TTLL8: variants seen among roughly 807,000 people sequenced by gnomAD.
TTLL8 encodes tubulin tyrosine ligase like 8, also known as protein monoglycylase TTLL8.
TTLL8 carries 65 observed loss-of-function variants against 77.8 expected under a neutral mutation model. The ratio of observed to expected loss-of-function variants is 0.84; its 90% confidence interval spans 0.68 to 1.03. The LOEUF (loss-of-function observed/expected upper bound fraction) is 1.03. Ranked by LOEUF, TTLL8 falls within the 50% of genes least tolerant of loss-of-function variation. TTLL8 has a pLI of 0.00. For synonymous variants in TTLL8, 402 were observed against 422.8 expected (o/e 0.95, Z 0.60); for missense variants, 910 against 1,004.5 (o/e 0.91, Z 1.27).
rs977594466 is a variant in TTLL8, at chr22:50,052,107, G to A, written c.52-1860C>T. Among the ~76,000 whole-genome samples, 5 of 152,184 alleles carry A rather than the reference G, an allele frequency of 3.3e-5. No individual in the cohort carries two copies. The East Asian group carries it at 5.8e-4, about 18-fold the overall frequency. On this transcript the variant is annotated intron_variant, in intron 1 of 13. Transcript: ENST00000266182. ...AGCACCCACACGAGACATCTGGTTG[G>A]TCCCAGCACCGCTCTGGGCCGCTGT...
upstream of TTLL8, among the ~76,000 whole-genome samples, chr22:50,056,299 A>T (rs1386058212): frequency 6.6e-6 from 1 of 151,864 alleles, no homozygotes; most frequent in African/African-American, 2.4e-5. The surrounding 1 kb of genome is among the most constrained non-coding windows in gnomAD (Gnocchi z 4.1). Context: ...GCCAATAATC[A>T]TGTGAAAAAC....
At position 50,034,917 on chromosome 22, in the gene TTLL8, G is replaced by A. The variant is rs915673273; in HGVS notation, c.922-455C>T. Among the ~76,000 whole-genome samples, 27 of 152,196 alleles carry A rather than the reference G, an allele frequency of 1.8e-4. No homozygotes were observed. Among genetic ancestry groups the A allele is most frequent in the Non-Finnish European group, 3.4e-4 (23 of 68,030 alleles). On this transcript the variant is annotated intron_variant, in intron 8 of 13. Coordinates refer to ENST00000266182, the Ensembl canonical transcript of TTLL8. The surrounding 1 kb of genome is among the most constrained non-coding windows in gnomAD (Gnocchi z 4.1). ...ACCGACCCCTGGTAGGAAAGTGGCCGGCCCGTGCAGGCCTCCTGTGTCCCG... is the reference window on the plus strand; with the variant it reads ...ACCGACCCCTGGTAGGAAAGTGGCCAGCCCGTGCAGGCCTCCTGTGTCCCG...
At chr22:50,032,469 C>T (rs1416874390) in intron 10 of TTLL8, among the ~76,000 whole-genome samples, 2 of 152,222 alleles carry the variant, frequency 1.3e-5, no homozygotes, top group Non-Finnish European at 2.9e-5. Context: ...AGGTGAGGGT[C>T]GTAGCCCCTG....
At chr22:50,058,023 A>G (rs1014236473), upstream of TTLL8, among the ~76,000 whole-genome samples, 2 of 102,736 alleles carry the variant, frequency 1.9e-5, no homozygotes, top group African/African-American at 7.6e-5. The surrounding 1 kb of genome is among the most constrained non-coding windows in gnomAD (Gnocchi z 4.2). Context: ...CGGGGCGGGG[A>G]GGGGGTAGGC....
intron 4 of TTLL8, among the ~76,000 whole-genome samples, chr22:50,046,886 G>A (rs577243225): frequency 3.3e-5 from 5 of 152,336 alleles, no homozygotes; most frequent in South Asian, 4.1e-4. Flanking sequence ...CCCAAAGCCC[G>A]GTGGCAGCCC....
intron 12 of TTLL8, among the ~76,000 whole-genome samples, chr22:50,020,983 C>CGAT (rs1468578164): frequency 4.3e-5 from 6 of 140,614 alleles, no homozygotes; most frequent in African/African-American, 1.1e-4. Context: ...CTCCATCTGA[C>CGAT]GTGCATTCCT....
At chr22:50,055,454 G>A, upstream of TTLL8, 1 of 476,812 alleles carries the variant, frequency 2.1e-6, no homozygotes, top group Non-Finnish European at 3.4e-6. Context: ...AGGAGTTCGA[G>A]ACCAGCCTGG....
chr22:50,052,530 A>G (rs1342085911), intron 1 of TTLL8, among the ~76,000 whole-genome samples: 1 of 152,200 alleles, frequency 6.6e-6, no homozygotes, highest in Non-Finnish European at 1.5e-5. Context: ...GAATACATCA[A>G]CGGTTTAATT....
Position 50,026,975 on chromosome 22 carries a change from T to C in TTLL8, c.2203+3455A>G, listed in dbSNP as rs1015107173. 9.9e-5 allele frequency among the ~76,000 whole-genome samples: 15 copies of C among 152,202 alleles called. 1 individual carries two copies. The highest frequency in any genetic ancestry group is 4.8e-5 in the African/African-American group (2 of 41,448). On this transcript the variant is annotated intron_variant, in intron 12 of 13. Transcript: ENST00000266182. ...TCGGCCAGGTGCGGTGGCTCACGCC[T>C]GTAATCCCAGCACTTAGGGAGGCCG...
chr22:50,024,695 C>G (rs2061222004), intron 12 of TTLL8, among the ~76,000 whole-genome samples: 1 of 152,170 alleles, frequency 6.6e-6, no homozygotes, highest in Non-Finnish European at 1.5e-5. Flanking sequence ...GTCCGAAGAA[C>G]AAAGACAAGG....
intron 6 of TTLL8, among the ~76,000 whole-genome samples, chr22:50,045,001 T>C (rs919875388): frequency 6.6e-6 from 1 of 152,090 alleles, no homozygotes; most frequent in African/African-American, 2.4e-5. Context: ...ACTGTGGCAG[T>C]GAGTGTGGGA....
At chr22:50,045,147 C>A in intron 6 of TTLL8, 108 bp downstream of exon 8, 1 of 1,185,552 alleles carries the variant, frequency 8.4e-7, no homozygotes, top group Non-Finnish European at 1.1e-6. Flanking sequence ...TGTATCCAGC[C>A]CCGGCTGCTG....
At chr22:50,026,923 GTTGGAAAACTTTA>G (rs1395749025) in intron 12 of TTLL8, among the ~76,000 whole-genome samples, 2 of 152,134 alleles carry the variant, frequency 1.3e-5, no homozygotes, top group Non-Finnish European at 2.9e-5. Flanking sequence ...CTGGATCATG[GTTGGAAAACTTTA>G]TTTAAAAAAA....
chr22:50,057,609 G>A (rs2061488475), upstream of TTLL8, among the ~76,000 whole-genome samples: 1 of 84,010 alleles, frequency 1.2e-5, no homozygotes, highest in Non-Finnish European at 2.3e-5. Context: ...TGGGTTGAGC[G>A]GGAGGTCTGG....
chr22:50,052,268 A>G (rs1312692937), intron 1 of TTLL8, among the ~76,000 whole-genome samples: 1 of 152,228 alleles, frequency 6.6e-6, no homozygotes, highest in East Asian at 1.9e-4. Context: ...CTCCGACTCC[A>G]CAAGACACTC....
intron 3 of TTLL8, among the ~76,000 whole-genome samples, chr22:50,047,574 C>T (rs1445565492): frequency 1.3e-5 from 2 of 152,136 alleles, no homozygotes; most frequent in Non-Finnish European, 2.9e-5. Context: ...ATGGGGTCTA[C>T]GTGGGTGTGG....
intron 6 of TTLL8, among the ~76,000 whole-genome samples, chr22:50,043,750 C>T (rs2061390834): frequency 6.6e-6 from 1 of 152,084 alleles, no homozygotes; most frequent in African/African-American, 2.4e-5. Context: ...ATTACTAAGT[C>T]GAAGAAGCCC....
intron 6 of TTLL8, among the ~76,000 whole-genome samples, chr22:50,043,263 A>G (rs2061384203): frequency 6.6e-6 from 1 of 151,648 alleles, no homozygotes; most frequent in Non-Finnish European, 1.5e-5. Context: ...AGTGGTGCCG[A>G]GACGTCCTTC....
chr22:50,035,952 G>C (rs141498189), intron 8 of TTLL8, among the ~76,000 whole-genome samples: 169 of 152,346 alleles, frequency 1.1e-3, no homozygotes, highest in African/African-American at 3.6e-3. Context: ...CCCTGCTTTG[G>C]GGGGAGAAGG....
Sources: allele counts gnomAD v4.1 joint callset (sites outside exome capture counted in the v4.1 genomes callset), GRCh38; gene constraint gnomAD v4.1.1; non-coding constraint Gnocchi (gnomAD v3.1); transcripts MANE v1.5; gene names NCBI Gene and HGNC (gene_info 2026-07-23, HGNC 2026-07-21).